FAF1: variants seen among roughly 807,000 people sequenced by gnomAD.
The protein encoded by FAF1 is Fas associated factor 1.
In FAF1, 25 loss-of-function variants were observed where a neutral mutation model predicts 92.5. That is an observed-to-expected ratio of 0.27 (90% CI 0.20 to 0.38). The LOEUF is 0.38. FAF1 is among the 10% of genes least tolerant of loss of function. The pLI, the probability that FAF1 is intolerant of heterozygous loss-of-function variation, is 1.00. For synonymous variants in FAF1, 234 were observed against 273.2 expected (o/e 0.86, Z 1.42); for missense variants, 636 against 793.3 (o/e 0.80, Z 2.38).
At chr1:50,457,405 C>A (rs955383648) in intron 18 of FAF1, among the ~76,000 whole-genome samples, 12 of 152,098 alleles carry the variant, frequency 7.9e-5, no homozygotes, top group Non-Finnish European at 4.4e-5. Context: ...CAAGGAGTGT[C>A]TAGAAAAGGT....
chr1:50,730,315 T>C (rs1658864228), intron 6 of FAF1, among the ~76,000 whole-genome samples: 1 of 152,060 alleles, frequency 6.6e-6, no homozygotes, highest in Admixed American at 6.5e-5. Context: ...TATTTAATAA[T>C]TATCTTATTA....
chr1:50,504,782 A>T (rs367593248), intron 15 of FAF1, among the ~76,000 whole-genome samples: 1 of 152,330 alleles, frequency 6.6e-6, no homozygotes. Context: ...ATCCAATGAT[A>T]AGACCCTGGA....
chr1:50,548,561 G>C (rs1649144680), intron 13 of FAF1, among the ~76,000 whole-genome samples: 1 of 152,152 alleles, frequency 6.6e-6, no homozygotes, highest in Non-Finnish European at 1.5e-5. Flanking sequence ...AAGACAGTCA[G>C]TGTGAATAAT....
At chr1:50,835,570 C>CA (rs573942977) in intron 2 of FAF1, among the ~76,000 whole-genome samples, 6,834 of 53,754 alleles carry the variant, frequency 0.13, 521 homozygotes, top group East Asian at 0.2. Flanking sequence ...GACTCCATCT[C>CA]AAAAAAAAAA....
Position 50,811,171 on chromosome 1 carries a change from T to TA in FAF1, c.115-9495dup, listed in dbSNP as rs199504654. The stretch of plus-strand genomic sequence containing the variant: ...GCAACATGGCATAACCCCGTCTCTA[T>TA]AAAAAAATACAGAAATAATTAGCCA... On this transcript the variant is annotated intron_variant, in intron 2 of 18. Transcript: ENST00000396153. Among the ~76,000 whole-genome samples the TA allele has an allele frequency of 7.2e-3, 1,100 of 151,926 alleles. 17 individuals carry two copies. Among genetic ancestry groups the TA allele is most frequent in the African/African-American group, 0.025 (1,015 of 41,406 alleles).
intron 9 of FAF1, among the ~76,000 whole-genome samples, chr1:50,589,700 A>G (rs1003341838): frequency 2.0e-5 from 3 of 151,796 alleles, no homozygotes; most frequent in African/African-American, 7.3e-5. Context: ...CAATTTCTCT[A>G]TTTTTTCTTT....
intron 6 of FAF1, among the ~76,000 whole-genome samples, chr1:50,720,894 A>G (rs1452867960): frequency 1.3e-5 from 2 of 152,154 alleles, no homozygotes; most frequent in African/African-American, 4.8e-5. Flanking sequence ...AACTTGTATC[A>G]TACCATCCAC....
At chr1:50,608,674 G>A (rs1389962750) in intron 8 of FAF1, among the ~76,000 whole-genome samples, 1 of 152,192 alleles carries the variant, frequency 6.6e-6, no homozygotes, top group African/African-American at 2.4e-5. Context: ...CAAATCATTT[G>A]TATCACTGAC....
chr1:50,475,766 G>T (rs1158703090), intron 17 of FAF1, 87 bp from the exon 18 acceptor site: 3 of 805,110 alleles, frequency 3.7e-6, no homozygotes, highest in Non-Finnish European at 5.7e-6. Flanking sequence ...AAAAGCTGCT[G>T]TTTTCTAGAA....
At chr1:50,777,885 T>TA (rs1215929301) in intron 4 of FAF1, among the ~76,000 whole-genome samples, 2 of 152,160 alleles carry the variant, frequency 1.3e-5, no homozygotes, top group East Asian at 3.9e-4. Flanking sequence ...GACCATTTTA[T>TA]AAAAATGTTT....
intron 1 of FAF1, among the ~76,000 whole-genome samples, chr1:50,927,459 G>C (rs1645015219): frequency 6.6e-6 from 1 of 152,082 alleles, no homozygotes; most frequent in South Asian, 2.1e-4. Context: ...GCATGTGCCT[G>C]TAGTCCCAGC....
intron 2 of FAF1, among the ~76,000 whole-genome samples, chr1:50,808,124 T>A (rs1428416182): frequency 6.6e-6 from 1 of 151,960 alleles, no homozygotes; most frequent in Non-Finnish European, 1.5e-5. Flanking sequence ...AGAAAAAAAA[T>A]TCCAACCAAG....
intron 4 of FAF1, among the ~76,000 whole-genome samples, chr1:50,765,058 TCTTTG>T (rs1403616795): frequency 1.3e-5 from 2 of 152,232 alleles, no homozygotes; most frequent in African/African-American, 4.8e-5. Context: ...TGAGTACAAT[TCTTTG>T]CTTTATGTTT....
At chr1:50,699,040 T>C (rs989485357) in intron 7 of FAF1, among the ~76,000 whole-genome samples, 1 of 152,068 alleles carries the variant, frequency 6.6e-6, no homozygotes, top group East Asian at 1.9e-4. Context: ...TGATGAACTA[T>C]TGGTATGATT....
At chr1:50,784,253 A>G (rs1661284992) in intron 4 of FAF1, among the ~76,000 whole-genome samples, 2 of 152,260 alleles carry the variant, frequency 1.3e-5, no homozygotes, top group Admixed American at 1.3e-4. Flanking sequence ...CTTTGTTTAC[A>G]GACAACATGA....
intron 2 of FAF1, among the ~76,000 whole-genome samples, chr1:50,804,874 A>G (rs1362140026): frequency 1.3e-5 from 2 of 152,208 alleles, no homozygotes; most frequent in Non-Finnish European, 2.9e-5. Flanking sequence ...AGCACTACGC[A>G]CTACTTTGTG....
At chr1:50,679,776 A>G (rs1323052591) in intron 7 of FAF1, among the ~76,000 whole-genome samples, 1 of 152,236 alleles carries the variant, frequency 6.6e-6, no homozygotes, top group Admixed American at 6.5e-5. Context: ...AGGTAGTTGC[A>G]TGTCACAGAC....
chr1:50,601,567 A>G (rs1652129151), intron 8 of FAF1, among the ~76,000 whole-genome samples: 1 of 152,088 alleles, frequency 6.6e-6, no homozygotes, highest in Non-Finnish European at 1.5e-5. Context: ...CTGTACTCTC[A>G]GGCACTCGGG....
chr1:50,665,815 T>A (rs192625570), intron 7 of FAF1, among the ~76,000 whole-genome samples: 1 of 152,290 alleles, frequency 6.6e-6, no homozygotes, highest in African/African-American at 2.4e-5. Context: ...CAAAATAATA[T>A]GCATCTCTGT....
Sources: allele counts gnomAD v4.1 joint callset (sites outside exome capture counted in the v4.1 genomes callset), GRCh38; gene constraint gnomAD v4.1.1; transcripts MANE v1.5; gene names NCBI Gene and HGNC (gene_info 2026-07-23, HGNC 2026-07-21).